EFCAB6: variants seen among roughly 807,000 people sequenced by gnomAD.
The protein encoded by EFCAB6 is EF-hand calcium-binding domain-containing protein 6.
In EFCAB6, 156 loss-of-function variants were observed where a neutral mutation model predicts 169.8. The ratio of observed to expected loss-of-function variants is 0.92; its 90% CI spans 0.81 to 1.05. The LOEUF (loss-of-function observed/expected upper bound fraction) is 1.05. EFCAB6 is among the 50% of genes least tolerant of loss of function. The probability of loss-of-function intolerance (pLI) is 0.00; values close to 1 mark genes in which losing one functional copy is unlikely to be tolerated. For synonymous variants in EFCAB6, 698 were observed against 676.4 expected (o/e 1.03, Z -0.50); for missense variants, 1,800 against 1,829.1 (o/e 0.98, Z 0.29).
At chr22:43,719,882 C>T (rs1429481997) in intron 8 of EFCAB6, among the ~76,000 whole-genome samples, 1 of 152,094 alleles carries the variant, frequency 6.6e-6, no homozygotes, top group Non-Finnish European at 1.5e-5. Context: ...CAATCAGAGT[C>T]TGAAAACTCA....
chr22:43,594,996 G>A (rs989303806), intron 23 of EFCAB6, among the ~76,000 whole-genome samples: 1 of 151,960 alleles, frequency 6.6e-6, no homozygotes, highest in Non-Finnish European at 1.5e-5. Flanking sequence ...GTACAAATAC[G>A]TAGAAATTAA....
At chr22:43,774,806 C>T (rs929460870) in intron 3 of EFCAB6, among the ~76,000 whole-genome samples, 1 of 151,646 alleles carries the variant, frequency 6.6e-6, no homozygotes, top group Non-Finnish European at 1.5e-5. Flanking sequence ...GGGGTGGGGA[C>T]AAGCAGAGCT....
intron 18 of EFCAB6, among the ~76,000 whole-genome samples, chr22:43,633,185 C>A (rs2147897887): frequency 6.6e-6 from 1 of 152,260 alleles, no homozygotes; most frequent in East Asian, 1.9e-4. Flanking sequence ...ATACTAAGAC[C>A]CGTTGGTTCC....
rs145694070 is a variant in EFCAB6, at chr22:43,761,325, A to C, written c.440+3980T>G. On this transcript the variant is annotated intron_variant, in intron 5 of 31. Transcript: ENST00000262726. ...AAGACAGGTATCTTTTTGGAAATCCAATTAAAAGTATATTAGGACTCCTCT... is the reference window on the plus strand; with the variant it reads ...AAGACAGGTATCTTTTTGGAAATCCCATTAAAAGTATATTAGGACTCCTCT... 2.0e-3 allele frequency among the ~76,000 whole-genome samples: 297 copies of C among 152,260 alleles called. 2 individuals carry two copies. The highest frequency in any genetic ancestry group is 7.1e-3 in the African/African-American group (294 of 41,564).
chr22:43,614,377 A>G (rs920478299), intron 21 of EFCAB6, among the ~76,000 whole-genome samples: 1 of 152,138 alleles, frequency 6.6e-6, no homozygotes, highest in African/African-American at 2.4e-5. Context: ...TCAACAAAGC[A>G]AAGACAGTCT....
At chr22:43,666,023 C>T (rs1018303504) in intron 17 of EFCAB6, among the ~76,000 whole-genome samples, 4 of 152,234 alleles carry the variant, frequency 2.6e-5, no homozygotes, top group Admixed American at 2.0e-4. Context: ...CCTGACCTCA[C>T]GTGATCCACC....
intron 13 of EFCAB6, among the ~76,000 whole-genome samples, chr22:43,675,761 A>C (rs1252180525): frequency 6.7e-6 from 1 of 148,568 alleles, no homozygotes; most frequent in Non-Finnish European, 1.5e-5. Context: ...AAAATATAAT[A>C]ATATGTAATG....
At chr22:43,627,033 C>T (rs751334896) in intron 19 of EFCAB6, among the ~76,000 whole-genome samples, 1 of 152,146 alleles carries the variant, frequency 6.6e-6, no homozygotes, top group Non-Finnish European at 1.5e-5. Context: ...GGTTTCTGCT[C>T]GCAATTTTTT....
intron 24 of EFCAB6, among the ~76,000 whole-genome samples, chr22:43,585,387 T>C (rs1398819255): frequency 6.6e-6 from 1 of 151,872 alleles, no homozygotes. Flanking sequence ...TTAGTGAGCT[T>C]GAAGTATATC....
intron 2 of EFCAB6, among the ~76,000 whole-genome samples, chr22:43,784,595 A>ATATACACATATATATGTGTATG: frequency 1.5e-5 from 1 of 67,638 alleles, no homozygotes; most frequent in South Asian, 5.9e-4. Context: ...ATATATGTAT[A>ATATACACATATATATGTGTATG]TATACACATA....
At chr22:43,664,601 A>G (rs1429195385) in intron 17 of EFCAB6, among the ~76,000 whole-genome samples, 1 of 152,188 alleles carries the variant, frequency 6.6e-6, no homozygotes, top group Non-Finnish European at 1.5e-5. Flanking sequence ...TTGAACAGAG[A>G]CTTGAAGGAG....
chr22:43,730,473 T>C (rs2059908108), intron 8 of EFCAB6, among the ~76,000 whole-genome samples: 1 of 151,576 alleles, frequency 6.6e-6, no homozygotes, highest in Non-Finnish European at 1.5e-5. Flanking sequence ...ATATCCAAGA[T>C]ATAGAGGCAG....
At chr22:43,616,409 T>C (rs2053689833) in intron 20 of EFCAB6, among the ~76,000 whole-genome samples, 1 of 152,206 alleles carries the variant, frequency 6.6e-6, no homozygotes, top group Non-Finnish European at 1.5e-5. Context: ...ACGCCTGTAA[T>C]CCCAGCACTT....
In EFCAB6 at chr22:43,678,133, ATTC is replaced by A; in HGVS notation, c.1279_1281del (p.Glu427del). 1 of 1,610,300 alleles carries A rather than the reference ATTC, an allele frequency of 6.2e-7. No individual in the cohort carries two copies. The highest frequency in any genetic ancestry group is 1.1e-5 in the South Asian group (1 of 90,974). On this transcript the variant is annotated inframe_deletion, in exon 13 of 32. Coordinates refer to ENST00000262726, the MANE Select transcript of EFCAB6 (RefSeq NM_022785.4). ...GCCATGCAATTTAGAATATATCGAA[ATTC>A]TTCTCTTGTTATCGGTCCATCGGGT...
At chr22:43,683,522 T>C in intron 12 of EFCAB6, 1 of 523,798 alleles carries the variant, frequency 1.9e-6, no homozygotes, top group East Asian at 3.1e-5. Flanking sequence ...GTTACTGTAT[T>C]GCAATTAATT....
chr22:43,629,981 A>C (rs1456598664), intron 19 of EFCAB6, among the ~76,000 whole-genome samples: 1 of 152,154 alleles, frequency 6.6e-6, no homozygotes, highest in Non-Finnish European at 1.5e-5. Context: ...TTGTGGGTTG[A>C]CAGGTTAATC....
At position 43,775,435 on chromosome 22, in the gene EFCAB6, T is replaced by C. The variant is rs537356103; in HGVS notation, c.140-2332A>G. Among the ~76,000 whole-genome samples, 125 of 152,264 alleles carry C rather than the reference T, an allele frequency of 8.2e-4. No homozygotes were observed. In the Middle Eastern group the frequency reaches 0.014, roughly 17 times the overall value. On this transcript the variant is annotated intron_variant, in intron 3 of 31. Transcript: ENST00000262726. Reference sequence around the variant, plus strand: ...TGAGGTCACGCAAGCTGCTACGGCCTCTGCCTGGTCCTATTTATTTATTTA... The same window carrying C: ...TGAGGTCACGCAAGCTGCTACGGCCCCTGCCTGGTCCTATTTATTTATTTA...
At position 43,756,867 on chromosome 22, in the gene EFCAB6, GA is replaced by G. The variant is rs1213380156; in HGVS notation, c.441-1036del. Among the ~76,000 whole-genome samples, 5 of 152,190 alleles carry G rather than the reference GA, an allele frequency of 3.3e-5. No homozygotes were observed. In the East Asian group the frequency reaches 9.7e-4, roughly 29 times the overall value. On this transcript the variant is annotated intron_variant, in intron 5 of 31. Coordinates refer to ENST00000262726, the MANE Select transcript of EFCAB6 (RefSeq NM_022785.4). Reference sequence around the variant, plus strand: ...TGAAGCCTTCCAGGCAAAGCAAAGGGAACAGGCAGCTGGTATGAAGCCCTTG... The same window carrying G: ...TGAAGCCTTCCAGGCAAAGCAAAGGGACAGGCAGCTGGTATGAAGCCCTTG...
chr22:43,588,114 T>C (rs940632257), intron 24 of EFCAB6, among the ~76,000 whole-genome samples: 24 of 152,350 alleles, frequency 1.6e-4, no homozygotes, highest in African/African-American at 5.8e-4. Flanking sequence ...ACAAAAAGTT[T>C]TAAAGATACT....
Sources: gnomAD v4.1 joint callset for allele counts (sites outside exome capture counted in the v4.1 genomes callset) on GRCh38, gnomAD v4.1.1 for gene constraint, MANE v1.5 for transcripts, NCBI Gene and HGNC (gene_info 2026-07-23, HGNC 2026-07-21) for gene names.